The following TBC1D23 variants were observed in gnomAD, a reference collection of about 807,000 sequenced individuals.
The protein encoded by TBC1D23 is HCV non-structural protein 4A-transactivated protein 1.
TBC1D23 carries 55 observed loss-of-function variants against 91.4 expected under a neutral mutation model. The ratio of observed to expected loss-of-function variants is 0.60; its 90% confidence interval spans 0.48 to 0.75. TBC1D23 has a LOEUF of 0.75. TBC1D23 is among the 30% of genes least tolerant of loss of function. The pLI, the probability that TBC1D23 is intolerant of heterozygous loss-of-function variation, is 0.00. For missense variants in TBC1D23, 725 were observed against 836.1 expected (o/e 0.87, Z 1.64); for synonymous variants, 289 against 281.0 (o/e 1.03, Z -0.28).
Position 100,321,896 on chromosome 3 carries a change from TTAA to T in TBC1D23, c.2018+931_2018+933del, listed in dbSNP as rs200052416. Among the ~76,000 whole-genome samples the T allele has an allele frequency of 7.2e-3, 1,012 of 141,436 alleles. 15 individuals are homozygous for T. Among genetic ancestry groups the T allele is most frequent in the African/African-American group, 0.024 (971 of 39,692 alleles). The allele number at this position is 141,436 out of a possible 152,430, so 92.8% of individuals were successfully genotyped here. ...AATATTTACATAGTGATATTTTCAA[TTAA>T]TAATATAAAGAATATGTCATTCTAA... On this transcript the variant is annotated intron_variant, in intron 18 of 18. Transcript: ENST00000394144.
At position 100,311,629 on chromosome 3, in the gene TBC1D23, ATAAC is replaced by A. The variant is rs538144141; in HGVS notation, c.1554-200_1554-197del. ...TTATTTGTTTTAAAATGTACTGGTG[ATAAC>A]TAAGTCAAAAAGACTGCTGCCTTGA... is the stretch of plus-strand genomic sequence containing the variant. On this transcript the variant is annotated intron_variant, in intron 14 of 18. Transcript: ENST00000394144. Among the ~76,000 whole-genome samples the A allele has an allele frequency of 5.3e-5, 8 of 152,338 alleles. No individual in the cohort carries two copies. In the South Asian group the frequency reaches 1.7e-3, roughly 32 times the overall value.
chr3:100,269,157 A>AG (rs2067581161), intron 1 of TBC1D23, among the ~76,000 whole-genome samples: 1 of 152,176 alleles, frequency 6.6e-6, no homozygotes, highest in Non-Finnish European at 1.5e-5. Flanking sequence ...TGCCTATTGC[A>AG]TACAATGATG....
chr3:100,271,344 G>A (rs1461357142), intron 1 of TBC1D23, among the ~76,000 whole-genome samples: 1 of 152,188 alleles, frequency 6.6e-6, no homozygotes, highest in Non-Finnish European at 1.5e-5. Flanking sequence ...AGAACGTGGA[G>A]ACGTTTTTGT....
chr3:100,314,348 G>C (rs988313872), intron 15 of TBC1D23, among the ~76,000 whole-genome samples: 1 of 151,804 alleles, frequency 6.6e-6, no homozygotes, highest in Admixed American at 6.6e-5. Context: ...TGCCCACCTC[G>C]GATCTTTCGG....
chr3:100,316,036 T>C, intron 15 of TBC1D23, 63 bp from the exon 16 acceptor site: 1 of 1,319,106 alleles, frequency 7.6e-7, no homozygotes, highest in Non-Finnish European at 1.1e-6. Context: ...CAAATGATGC[T>C]TGGTAAAAAT....
intron 16 of TBC1D23, among the ~76,000 whole-genome samples, chr3:100,316,519 G>A (rs1033544894): frequency 2.6e-5 from 4 of 152,026 alleles, no homozygotes; most frequent in Admixed American, 1.3e-4. Context: ...GTTGATTATA[G>A]GTGTCTTCAG....
In TBC1D23 at chr3:100,283,289, A is replaced by G. The variant is rs187092643; in HGVS notation, c.272-318A>G. The stretch of plus-strand genomic sequence containing the variant: ...CTCGGGAGGCTAAGGCAGAAGAATC[A>G]CTTGAAATCGGGAGGTGGAGGTTGC... On this transcript the variant is annotated intron_variant, in intron 3 of 18. Transcript: ENST00000394144. 4.7e-3 allele frequency among the ~76,000 whole-genome samples: 711 copies of G among 152,090 alleles called. 2 individuals are homozygous for G. Among genetic ancestry groups the G allele is most frequent in the Non-Finnish European group, 6.3e-3 (431 of 67,980 alleles).
chr3:100,299,257 G>A lies in TBC1D23; in HGVS notation c.1018G>A (p.Val340Met). The A allele has an allele frequency of 6.2e-7, 1 of 1,612,420 alleles. No homozygotes were observed. Among genetic ancestry groups the A allele is most frequent in the South Asian group, 1.1e-5 (1 of 90,956 alleles). The change falls in exon 10 of 19, where the codon GTG becomes ATG. Residue 340 changes from valine (V) to methionine (M), a missense_variant. Physicochemically the swap from Val to Met is conservative, Grantham distance 21 (BLOSUM62 1). Transcript: ENST00000394144. ...GTTTTAGGAAGGAGTCCGGTTCTTTGTGGTGGATTGCCGTCCTGCAGAACA... is the reference window on the plus strand; with the variant it reads ...GTTTTAGGAAGGAGTCCGGTTCTTTATGGTGGATTGCCGTCCTGCAGAACA... ...QLQGEGVRFFVVDCRPAEQYN... is the reference protein window; with the variant it reads ...QLQGEGVRFFMVDCRPAEQYN...
intron 13 of TBC1D23, 76 bp downstream of exon 13, chr3:100,306,619 C>A: frequency 1.3e-6 from 1 of 798,280 alleles, no homozygotes; most frequent in Non-Finnish European, 2.1e-6. Context: ...AAACCCCCAC[C>A]ATAACAGAAA....
rs2148873458 is a variant in TBC1D23 at position 100,319,142 on chromosome 3, A to G, written c.1761A>G (p.Lys587=). The G allele has an allele frequency of 6.2e-7, 1 of 1,609,326 alleles. No homozygotes were observed. The highest frequency in any genetic ancestry group is 8.5e-7 in the Non-Finnish European group (1 of 1,176,914). The change falls in exon 17 of 19, where the codon AAA becomes AAG. Residue 587 remains lysine, a synonymous_variant. Transcript: ENST00000394144. Reference sequence around the variant, plus strand: ...TAAACATTCAGACTTGGATAAACAAACCAGATGTCAAACATCATTTTCCTT... The same window carrying G: ...TAAACATTCAGACTTGGATAAACAAGCCAGATGTCAAACATCATTTTCCTT... The part of the protein sequence containing the change: ...EVVNIQTWIN[K]PDVKHHFPCK...
At chr3:100,321,830 TAAAAA>T (rs10693696) in intron 18 of TBC1D23, among the ~76,000 whole-genome samples, 2 of 146,118 alleles carry the variant, frequency 1.4e-5, no homozygotes, top group Non-Finnish European at 3.0e-5. Flanking sequence ...ACCTGATTTG[TAAAAA>T]AAAAAAAAAT....
intron 1 of TBC1D23, among the ~76,000 whole-genome samples, chr3:100,261,698 C>T (rs986071954): frequency 6.6e-6 from 1 of 152,176 alleles, no homozygotes; most frequent in African/African-American, 2.4e-5. Flanking sequence ...TTTGCTCTTA[C>T]TGCACCCAAG....
Position 100,295,110 on chromosome 3 carries a change from C to T in TBC1D23, c.624C>T (p.Tyr208=). ...LNWLGSLFAC[Y]CSTEVTQAIW... ...AGCTTGGAAGTCTTTTTGCATGTTA[C>T]TGTTCCACTGAAGTCACTCAGGCAA... Residue 208 remains tyrosine, a synonymous_variant, in exon 6 of 19, where the codon TAC becomes TAT. Coordinates refer to ENST00000394144, the MANE Select transcript of TBC1D23 (RefSeq NM_001199198.3). 1 of 1,597,602 alleles carries T rather than the reference C, an allele frequency of 6.3e-7. No homozygotes were observed. The highest frequency in any genetic ancestry group is 8.5e-7 in the Non-Finnish European group (1 of 1,175,332).
intron 13 of TBC1D23, among the ~76,000 whole-genome samples, chr3:100,307,277 T>G (rs1018898177): frequency 1.3e-5 from 2 of 152,246 alleles, no homozygotes; most frequent in African/African-American, 4.8e-5. Flanking sequence ...ACCTAGTGAT[T>G]ATTCTTTAAA....
At chr3:100,270,530 A>G (rs1021070369) in intron 1 of TBC1D23, among the ~76,000 whole-genome samples, 1 of 151,840 alleles carries the variant, frequency 6.6e-6, no homozygotes, top group African/African-American at 2.4e-5. Context: ...GGAGTAGGTT[A>G]TATTTATATA....
intron 4 of TBC1D23, among the ~76,000 whole-genome samples, chr3:100,287,751 T>C (rs2148857347): frequency 6.6e-6 from 1 of 152,288 alleles, no homozygotes; most frequent in African/African-American, 2.4e-5. Context: ...TTAGAAATTA[T>C]TTTTATTTTT....
intron 5 of TBC1D23, among the ~76,000 whole-genome samples, chr3:100,291,272 T>C (rs1178795267): frequency 1.3e-5 from 2 of 152,172 alleles, no homozygotes; most frequent in Non-Finnish European, 2.9e-5. Flanking sequence ...ATGATCCATA[T>C]GGATTATATT....
At chr3:100,302,325 TTATC>T in intron 11 of TBC1D23, 88 bp downstream of exon 11, 1 of 1,099,294 alleles carries the variant, frequency 9.1e-7, no homozygotes, top group Non-Finnish European at 1.2e-6. Context: ...CTTGTCAGAT[TTATC>T]TGTACTTTTC....
At chr3:100,271,029 T>G (rs2067595224) in intron 1 of TBC1D23, among the ~76,000 whole-genome samples, 1 of 152,196 alleles carries the variant, frequency 6.6e-6, no homozygotes, top group Non-Finnish European at 1.5e-5. Flanking sequence ...TTTTGAAGAT[T>G]AGTGAAGCTG....
Sources: allele counts gnomAD v4.1 joint callset (sites outside exome capture counted in the v4.1 genomes callset), GRCh38; gene constraint gnomAD v4.1.1; transcripts MANE v1.5; gene names NCBI Gene and HGNC (gene_info 2026-07-23, HGNC 2026-07-21).